PCDHA5: variants seen among roughly 807,000 people sequenced by gnomAD.
PCDHA5 encodes the protein protocadherin alpha 5.
PCDHA5 carries 43 observed loss-of-function variants against 61.6 expected under a neutral mutation model. The ratio of observed to expected loss-of-function variants is 0.70; its 90% CI spans 0.55 to 0.90. PCDHA5 has a LOEUF of 0.90. Among genes scored for constraint, PCDHA5 ranks in the 40% least tolerant of loss-of-function variants. PCDHA5 has a pLI of 0.00. For missense variants in PCDHA5, 1,298 were observed against 1,222.7 expected (o/e 1.06, Z -0.92); for synonymous variants, 627 against 543.9 (o/e 1.15, Z -2.13).
chr5:140,840,744 A>T (rs2150309255), intron 1 of PCDHA5, among the ~76,000 whole-genome samples: 1 of 152,224 alleles, frequency 6.6e-6, no homozygotes, highest in Non-Finnish European at 1.5e-5. Flanking sequence ...ATTTAACAAT[A>T]AGAACACAAG....
chr5:140,829,869 A>T (rs2150176630), intron 1 of PCDHA5: 1 of 1,613,902 alleles, frequency 6.2e-7, no homozygotes, highest in South Asian at 1.1e-5. Flanking sequence ...GTGGTGGCGA[A>T]GGTGCGCGCA....
intron 1 of PCDHA5, among the ~76,000 whole-genome samples, chr5:140,888,197 C>G (rs190439070): frequency 4.6e-5 from 7 of 152,044 alleles, no homozygotes; most frequent in Non-Finnish European, 8.8e-5. Flanking sequence ...TTTACATTGT[C>G]GGATGCTGGA....
intron 1 of PCDHA5, chr5:140,824,620 T>TG (rs1472794866): frequency 7.7e-6 from 1 of 130,228 alleles, no homozygotes; most frequent in African/African-American, 3.4e-5. Context: ...GTTTTTTTTT[T>TG]TTTTTTTTTT....
chr5:140,869,484 C>G (rs782167038), intron 1 of PCDHA5: 2 of 1,613,948 alleles, frequency 1.2e-6, no homozygotes, highest in Non-Finnish European at 1.7e-6. Context: ...AGGACATTAA[C>G]GACAACCCGC....
At chr5:140,967,424 G>A (rs1554229541) in intron 1 of PCDHA5, 4 of 1,613,184 alleles carry the variant, frequency 2.5e-6, no homozygotes, top group Non-Finnish European at 2.5e-6. Context: ...CCGGGAGCAG[G>A]CAGCCTTGCA....
chr5:140,980,598 C>G (rs574589264), intron 2 of PCDHA5, among the ~76,000 whole-genome samples: 1 of 152,152 alleles, frequency 6.6e-6, no homozygotes, highest in South Asian at 2.1e-4. Flanking sequence ...CCACTGCACT[C>G]CAGCCTGGCG....
chr5:140,846,597 A>G (rs930246175), intron 1 of PCDHA5, among the ~76,000 whole-genome samples: 2 of 148,430 alleles, frequency 1.3e-5, no homozygotes, highest in Non-Finnish European at 3.0e-5. Context: ...GATGGTCTCG[A>G]TCTCCTGACC....
chr5:140,927,529 C>G, intron 1 of PCDHA5: 2 of 1,614,098 alleles, frequency 1.2e-6, no homozygotes, highest in South Asian at 1.1e-5. Flanking sequence ...GCTACCTGCC[C>G]GCTCAGGAGA....
intron 1 of PCDHA5, among the ~76,000 whole-genome samples, chr5:140,905,415 C>A (rs2071821709): frequency 6.6e-6 from 1 of 152,128 alleles, no homozygotes; most frequent in Non-Finnish European, 1.5e-5. Context: ...ATACCAGTAC[C>A]ATGCTGGTTT....
intron 1 of PCDHA5, chr5:140,865,230 G>A (rs1393795782): frequency 6.6e-6 from 1 of 152,136 alleles, no homozygotes; most frequent in Non-Finnish European, 1.5e-5. Flanking sequence ...GGATCCCAGA[G>A]AACACGTATT....
intron 1 of PCDHA5, chr5:140,927,790 G>C: frequency 6.2e-7 from 1 of 1,614,218 alleles, no homozygotes; most frequent in Non-Finnish European, 8.5e-7. Flanking sequence ...TGCTTCACTA[G>C]GTCCGCCTGA....
chr5:140,843,388 G>C lies in PCDHA5; in HGVS notation c.2352+19261G>C, dbSNP rs1411961192. On this transcript the variant is annotated intron_variant, in intron 1 of 3. Coordinates refer to ENST00000529859, the MANE Select transcript of PCDHA5 (RefSeq NM_018908.3). ...GGCAGTCGGCTGGCGTTTTGGGTCC[G>C]GAAGCGGCGCTGGTGGATGTCAACG... 45 of 1,595,950 alleles carry C rather than the reference G, an allele frequency of 2.8e-5. 4 individuals are homozygous for C. The highest frequency in any genetic ancestry group is 3.9e-5 in the Non-Finnish European group (45 of 1,165,580).
At chr5:140,867,685 T>C (rs2050105980) in intron 1 of PCDHA5, 1 of 152,116 alleles carries the variant, frequency 6.6e-6, no homozygotes, top group African/African-American at 2.4e-5. Context: ...TGTTGCATCT[T>C]CTTTTTTTCC....
chr5:140,843,415 G>A (rs2150359556), intron 1 of PCDHA5: 2 of 1,596,114 alleles, frequency 1.3e-6, no homozygotes, highest in East Asian at 2.2e-5. Context: ...ATGTCAACGT[G>A]TACCTGATCA....
intron 3 of PCDHA5, among the ~76,000 whole-genome samples, chr5:141,006,105 G>GTT (rs79904017): frequency 1.9e-4 from 27 of 143,364 alleles, no homozygotes; most frequent in Middle Eastern, 3.8e-3. Flanking sequence ...ATGGTAAGGA[G>GTT]TTTTTTTTTT....
chr5:141,005,701 C>CAAAA (rs59860837), intron 3 of PCDHA5, among the ~76,000 whole-genome samples: 118 of 7,756 alleles, frequency 0.015, 2 homozygotes, highest in East Asian at 0.044. Flanking sequence ...AACTCCGTCT[C>CAAAA]AAAAAAAAAA....
At chr5:140,876,549 G>A in intron 1 of PCDHA5, 2 of 1,614,206 alleles carry the variant, frequency 1.2e-6, no homozygotes, top group Non-Finnish European at 1.7e-6. Flanking sequence ...CGCTCCCTGT[G>A]CAAGAGGATG....
chr5:140,938,245 C>T (rs1008412260), intron 1 of PCDHA5, among the ~76,000 whole-genome samples: 1 of 152,168 alleles, frequency 6.6e-6, no homozygotes, highest in South Asian at 2.1e-4. Context: ...CATGCCTGGT[C>T]TTTTAAAAAC....
intron 1 of PCDHA5, chr5:140,843,188 C>T (rs2150354903): frequency 6.3e-7 from 1 of 1,596,014 alleles, no homozygotes; most frequent in Non-Finnish European, 8.6e-7. Flanking sequence ...CATCCCGTTC[C>T]GCGTGGGGCT....
Sources: allele counts gnomAD v4.1 joint callset (sites outside exome capture counted in the v4.1 genomes callset), GRCh38; gene constraint gnomAD v4.1.1; transcripts MANE v1.5; gene names NCBI Gene and HGNC (gene_info 2026-07-23, HGNC 2026-07-21).